PACS2: variants seen among roughly 807,000 people sequenced by gnomAD.
PACS2 encodes phosphofurin acidic cluster sorting protein 2, also known as PACS1-like protein.
Under a neutral mutation model 113.0 loss-of-function variants are expected in PACS2, and 36 were observed. The ratio of observed to expected loss-of-function variants is 0.32; its 90% CI spans 0.24 to 0.42. The LOEUF (loss-of-function observed/expected upper bound fraction) is 0.42. PACS2 is among the 10% of genes least tolerant of loss of function. PACS2 has a pLI of 1.00. For missense variants in PACS2, 1,015 were observed against 1,239.5 expected (o/e 0.82, Z 2.72); for synonymous variants, 589 against 536.1 (o/e 1.10, Z -1.36).
chr14:105,304,505 A>C (rs2058124139), intron 1 of PACS2, among the ~76,000 whole-genome samples: 1 of 152,180 alleles, frequency 6.6e-6, no homozygotes, highest in Non-Finnish European at 1.5e-5. Flanking sequence ...AATAAAATAA[A>C]ATAAAATAAA....
chr14:105,392,958 A>C, intron 23 of PACS2, 113 bp downstream of exon 23: 1 of 819,204 alleles, frequency 1.2e-6, no homozygotes, highest in South Asian at 1.6e-5. Flanking sequence ...GGCAGCCCAC[A>C]TGCGCAGGCA....
At position 105,384,935 on chromosome 14, in the gene PACS2, T is replaced by C. The variant is rs1349540794; in HGVS notation, c.1948T>C (p.Cys650Arg). The C allele has an allele frequency of 1.2e-6, 2 of 1,601,456 alleles. No homozygotes were observed. The highest frequency in any genetic ancestry group is 2.3e-5 in the East Asian group (1 of 44,396). ...CACGCAGTACATCGCAGGGGCCAAC[T>C]GTGCCCACCAGCTCCCCATCGCAGA... ...RITQYIAGAN[C>R]AHQLPIAEAM... is the part of the protein sequence containing the mutation. The change falls in exon 18 of 25, where the codon TGT becomes CGT. Residue 650 changes from cysteine (C) to arginine (R), a missense_variant. By Grantham distance (180) the Cys-to-Arg change is radical. Coordinates refer to ENST00000447393, the MANE Select transcript of PACS2 (RefSeq NM_001100913.3).
chr14:105,325,175 G>A (rs1486470823), intron 1 of PACS2, among the ~76,000 whole-genome samples: 1 of 151,720 alleles, frequency 6.6e-6, no homozygotes, highest in African/African-American at 2.4e-5. Flanking sequence ...GGGACGGGGG[G>A]GGGCTCGGAC....
chr14:105,316,284 A>G (rs1035342117), intron 1 of PACS2, among the ~76,000 whole-genome samples: 1 of 152,248 alleles, frequency 6.6e-6, no homozygotes. Context: ...CGAGCACTGC[A>G]GATGTGCCTG....
At chr14:105,383,538 G>A (rs781929087) in intron 16 of PACS2, 25 bp downstream of exon 16, 1 of 1,559,778 alleles carries the variant, frequency 6.4e-7, no homozygotes, top group Non-Finnish European at 8.7e-7. Flanking sequence ...GTCCACCTGG[G>A]CCTGGGCACA....
chr14:105,373,860 C>T (rs782477842), intron 8 of PACS2, among the ~76,000 whole-genome samples: 15 of 151,754 alleles, frequency 9.9e-5, no homozygotes, highest in Non-Finnish European at 1.3e-4. Flanking sequence ...CAGCTGGGTG[C>T]GGTGGCTCAC....
At chr14:105,345,223 C>T (rs1291926872) in intron 1 of PACS2, among the ~76,000 whole-genome samples, 3 of 151,996 alleles carry the variant, frequency 2.0e-5, no homozygotes, top group African/African-American at 4.8e-5. Flanking sequence ...CTGCCTAACA[C>T]GGTGAAACCC....
chr14:105,307,070 G>T (rs1475021500), intron 1 of PACS2, among the ~76,000 whole-genome samples: 2 of 150,338 alleles, frequency 1.3e-5, no homozygotes, highest in African/African-American at 4.9e-5. Flanking sequence ...TTTGAGGCAG[G>T]GTCTCACTCT....
At chr14:105,362,415 T>G (rs1333510194) in intron 4 of PACS2, among the ~76,000 whole-genome samples, 18 of 120,544 alleles carry the variant, frequency 1.5e-4, no homozygotes, top group Non-Finnish European at 2.1e-4. Context: ...AGACTCCGTC[T>G]CAAAAAAAAA....
rs2060934589 is a variant in PACS2 at position 105,366,167 on chromosome 14, T to C, written c.424-1046T>C. On this transcript the variant is annotated intron_variant, in intron 4 of 24. Coordinates refer to ENST00000447393, the MANE Select transcript of PACS2 (RefSeq NM_001100913.3). The surrounding 1 kb of genome is among the most constrained non-coding windows in gnomAD (Gnocchi z 4.3). The stretch of plus-strand genomic sequence containing the variant: ...GAGTTTGAGACCATCCTGGCCAACA[T>C]GGTGAAACTGTTTCTACTAAAAATA... Among the ~76,000 whole-genome samples the C allele has an allele frequency of 7.0e-6, 1 of 141,982 alleles. No individual in the cohort carries two copies. Among genetic ancestry groups the C allele is most frequent in the Non-Finnish European group, 1.5e-5 (1 of 67,992 alleles). 93.1% of individuals were successfully genotyped at this position (141,982 alleles called of 152,430 possible). A position where few individuals can be genotyped will look rare whatever the true frequency, so the allele number is the denominator to read the frequency against.
chr14:105,346,070 A>G (rs1166692588), intron 1 of PACS2, among the ~76,000 whole-genome samples: 1 of 152,214 alleles, frequency 6.6e-6, no homozygotes, highest in African/African-American at 2.4e-5. Flanking sequence ...GCGACAGTGG[A>G]CAGTCTGACT....
At chr14:105,344,224 T>G (rs2059834812) in intron 1 of PACS2, among the ~76,000 whole-genome samples, 1 of 151,728 alleles carries the variant, frequency 6.6e-6, no homozygotes, top group Non-Finnish European at 1.5e-5. Context: ...GCCTCAACTT[T>G]TAATATATGG....
At chr14:105,367,667 G>T (rs587631830) in intron 5 of PACS2, among the ~76,000 whole-genome samples, 8 of 152,388 alleles carry the variant, frequency 5.2e-5, no homozygotes, top group African/African-American at 1.9e-4. Context: ...GCCCTTGCTG[G>T]TCTGGGTGCA....
At chr14:105,382,740 GA>G in intron 14 of PACS2, 66 bp from the exon 15 acceptor site, 1 of 1,059,564 alleles carries the variant, frequency 9.4e-7, no homozygotes, top group Non-Finnish European at 1.4e-6. Flanking sequence ...GAGCTTTGGT[GA>G]GGGTCAGGTG....
chr14:105,377,417 CAGG>C (rs1460596508), intron 9 of PACS2, among the ~76,000 whole-genome samples: 1 of 151,912 alleles, frequency 6.6e-6, no homozygotes, highest in African/African-American at 2.4e-5. Context: ...CTGGCCTGGG[CAGG>C]AGGAGAGGAT....
intron 20 of PACS2, 100 bp from the exon 21 acceptor site, chr14:105,391,106 TG>T: frequency 2.4e-6 from 2 of 846,912 alleles, no homozygotes; most frequent in African/African-American, 1.6e-5. Flanking sequence ...TCCAGCATCA[TG>T]GGAGTGGTGG....
chr14:105,351,452 A>G (rs1459485471), intron 2 of PACS2, among the ~76,000 whole-genome samples: 1 of 152,044 alleles, frequency 6.6e-6, no homozygotes, highest in Non-Finnish European at 1.5e-5. Context: ...TACTACCCTC[A>G]TTTTTGTGAC....
Position 105,330,779 on chromosome 14 carries a change from T to A in PACS2, c.119+15742T>A, listed in dbSNP as rs1319813353. 1.3e-5 allele frequency among the ~76,000 whole-genome samples: 2 copies of A among 152,232 alleles called. No individual in the cohort carries two copies. Among genetic ancestry groups the A allele is most frequent in the Admixed American group, 1.3e-4 (2 of 15,280 alleles). Reference sequence around the variant, plus strand: ...TTCCTGACGAGTGCCCTGTGGTCAGTCATTTCTGTCCTCGCCTTTACCTCA... The same window carrying A: ...TTCCTGACGAGTGCCCTGTGGTCAGACATTTCTGTCCTCGCCTTTACCTCA... On this transcript the variant is annotated intron_variant, in intron 1 of 24. Coordinates refer to ENST00000447393, the MANE Select transcript of PACS2 (RefSeq NM_001100913.3). The surrounding 1 kb of genome is among the most constrained non-coding windows in gnomAD (Gnocchi z 6.9).
chr14:105,376,807 G>C lies in PACS2; in HGVS notation c.841G>C (p.Glu281Gln). ...SEQDPAEHIP[E>Q]AEEDLDLLYD... is the part of the protein sequence containing the mutation. Reference sequence around the variant, plus strand: ...GCAGGACCCTGCGGAGCACATCCCCGAGGCAGAGGAGGACCTGGACCTCCT... The same window carrying C: ...GCAGGACCCTGCGGAGCACATCCCCCAGGCAGAGGAGGACCTGGACCTCCT... The change falls in exon 9 of 25, where the codon GAG (glutamate) becomes CAG (glutamine). Residue 281 changes from glutamate to glutamine, a missense_variant. Transcript: ENST00000447393. The surrounding 1 kb of genome is among the most constrained non-coding windows in gnomAD (Gnocchi z 4.7). The C allele has an allele frequency of 5.6e-6, 9 of 1,613,188 alleles. No homozygotes were observed. The highest frequency in any genetic ancestry group is 7.6e-6 in the Non-Finnish European group (9 of 1,179,888).
Sources: allele counts gnomAD v4.1 joint callset (sites outside exome capture counted in the v4.1 genomes callset), GRCh38; gene constraint gnomAD v4.1.1; non-coding constraint Gnocchi (gnomAD v3.1); transcripts MANE v1.5; gene names NCBI Gene and HGNC (gene_info 2026-07-23, HGNC 2026-07-21).